Variants in PALMD observed in about 807,000 individuals in gnomAD.
PALMD encodes palmdelphin, also known as paralemmin-like protein.
PALMD carries 42 observed loss-of-function variants against 56.2 expected under a neutral mutation model. The observed-to-expected ratio is 0.75, with a 90% CI of 0.58 to 0.97. PALMD has a LOEUF of 0.97. PALMD is among the 50% of genes least tolerant of loss of function. The pLI is 0.00. For synonymous variants in PALMD, 242 were observed against 222.9 expected, an observed-to-expected ratio of 1.09 and a Z score of -0.76; for missense variants, 660 against 643.8, an observed-to-expected ratio of 1.03 and a Z score of -0.27.
chr1:99,664,038 C>G (rs972065210), intron 2 of PALMD, among the ~76,000 whole-genome samples: 6 of 152,056 alleles, frequency 3.9e-5, no homozygotes, highest in Non-Finnish European at 7.4e-5. Flanking sequence ...AAATCTTGTC[C>G]ACATTCCTTT....
intron 1 of PALMD, among the ~76,000 whole-genome samples, chr1:99,655,933 C>T (rs373050305): frequency 0.015 from 1,654 of 106,994 alleles, 52 homozygotes; most frequent in African/African-American, 0.051. Flanking sequence ...ATAACACACA[C>T]GCACACACAC....
intron 2 of PALMD, among the ~76,000 whole-genome samples, chr1:99,663,918 A>G (rs1280464977): frequency 6.6e-6 from 1 of 152,196 alleles, no homozygotes; most frequent in Non-Finnish European, 1.5e-5. Context: ...TCCAGAACAC[A>G]GGAGACCTCT....
intron 7 of PALMD, among the ~76,000 whole-genome samples, chr1:99,690,346 G>A (rs1653626322): frequency 6.6e-6 from 1 of 151,996 alleles, no homozygotes; most frequent in African/African-American, 2.4e-5. Context: ...GCTGTATCTT[G>A]TTTCTCTATA....
chr1:99,673,222 T>C (rs1446080699), intron 3 of PALMD, among the ~76,000 whole-genome samples: 1 of 152,174 alleles, frequency 6.6e-6, no homozygotes. Flanking sequence ...ATATAAAAGT[T>C]AAATTTTTTT....
rs1653378354 is a variant in PALMD at position 99,682,992 on chromosome 1, C to A, written c.252-3684C>A. 2.1e-5 allele frequency among the ~76,000 whole-genome samples: 3 copies of A among 142,700 alleles called. No homozygotes were observed. The South Asian group carries it at 7.1e-4, about 34-fold the overall frequency. The allele number at this position is 142,700 out of a possible 152,430, so 93.6% of individuals were successfully genotyped here. On this transcript the variant is annotated intron_variant, in intron 3 of 7. Transcript: ENST00000263174. The stretch of plus-strand genomic sequence containing the variant: ...CTACACTTCAGCCTGGGTGACAGAG[C>A]AAGACTCTGTCTCCAAAAAGAAAGA...
chr1:99,681,015 G>T (rs1477052757), intron 3 of PALMD, among the ~76,000 whole-genome samples: 5 of 151,814 alleles, frequency 3.3e-5, no homozygotes, highest in Admixed American at 6.6e-5. Context: ...TGAAATGAAA[G>T]CTACCTGCTT....
At chr1:99,692,486 C>T (rs1265066672) in intron 7 of PALMD, among the ~76,000 whole-genome samples, 1 of 152,032 alleles carries the variant, frequency 6.6e-6, no homozygotes, top group East Asian at 1.9e-4. Flanking sequence ...TAAACCAAGC[C>T]TTCTATTGCC....
chr1:99,653,717 A>G (rs1652648872), intron 1 of PALMD, among the ~76,000 whole-genome samples: 1 of 152,044 alleles, frequency 6.6e-6, no homozygotes, highest in Non-Finnish European at 1.5e-5. Context: ...GAGCACTTCA[A>G]TATCACATGG....
In PALMD at chr1:99,689,269, G is replaced by A. The variant is rs761016233; in HGVS notation, c.1009G>A (p.Glu337Lys). Residue 337 changes from glutamate to lysine, a missense_variant, in exon 7 of 8, where the codon GAA becomes AAA. Transcript: ENST00000263174. ...PHPRSVIQQA[E>K]EKLHTPQKRL... ...TCCCCGATCAGTGATTCAACAAGCAGAAGAGAAGCTTCACACCCCGCAAAA... is the reference window on the plus strand; with the variant it reads ...TCCCCGATCAGTGATTCAACAAGCAAAAGAGAAGCTTCACACCCCGCAAAA... 4 of 1,613,542 alleles carry A rather than the reference G, an allele frequency of 2.5e-6. No individual in the cohort carries two copies. The highest frequency in any genetic ancestry group is 1.1e-5 in the South Asian group (1 of 91,054).
intron 1 of PALMD, among the ~76,000 whole-genome samples, chr1:99,654,344 AGCTATT>A (rs1432998617): frequency 0.01 from 1,596 of 152,258 alleles, 31 homozygotes; most frequent in African/African-American, 0.037. Context: ...TTAAATTTAT[AGCTATT>A]ATGTTAAAAT....
At chr1:99,693,868 C>G in intron 7 of PALMD, 151 bp from the exon 8 acceptor site, 1 of 619,086 alleles carries the variant, frequency 1.6e-6, no homozygotes, top group Non-Finnish European at 2.9e-6. Flanking sequence ...ATTATTTCTA[C>G]TATCTTTTTG....
intron 3 of PALMD, among the ~76,000 whole-genome samples, chr1:99,682,092 T>C (rs1220985476): frequency 6.6e-6 from 1 of 152,190 alleles, no homozygotes; most frequent in East Asian, 1.9e-4. Context: ...TCTCTCATCA[T>C]TTCCATTAGC....
At chr1:99,690,963 A>T (rs759950283) in intron 7 of PALMD, among the ~76,000 whole-genome samples, 16 of 152,190 alleles carry the variant, frequency 1.1e-4, no homozygotes, top group Non-Finnish European at 1.3e-4. Flanking sequence ...CTAATAATAC[A>T]GTAAAATGAA....
chr1:99,677,826 A>G (rs746342286), intron 3 of PALMD, among the ~76,000 whole-genome samples: 2 of 152,186 alleles, frequency 1.3e-5, no homozygotes, highest in Non-Finnish European at 2.9e-5. Flanking sequence ...AGGTTGTCAA[A>G]AAAGACTAGG....
At chr1:99,650,874 G>A (rs1377000864) in intron 1 of PALMD, among the ~76,000 whole-genome samples, 2 of 152,156 alleles carry the variant, frequency 1.3e-5, no homozygotes, top group African/African-American at 4.8e-5. Flanking sequence ...AAAAACAAGT[G>A]TAAACTAGTC....
chr1:99,679,725 A>T (rs949820106), intron 3 of PALMD, among the ~76,000 whole-genome samples: 5 of 152,190 alleles, frequency 3.3e-5, no homozygotes, highest in Non-Finnish European at 7.3e-5. Flanking sequence ...AATTTTTTTA[A>T]GTTTTCTTTC....
At chr1:99,686,822 C>T (rs1198864452) in intron 4 of PALMD, 32 bp downstream of exon 4, 2 of 1,383,962 alleles carry the variant, frequency 1.4e-6, no homozygotes, top group East Asian at 4.6e-5. Context: ...AACTGTAATT[C>T]TCTCTCAAAA....
intron 3 of PALMD, among the ~76,000 whole-genome samples, chr1:99,683,076 GAGAGAGAGAGAGAGAAAGAAAGAA>G (rs1653395688): frequency 1.2e-4 from 2 of 17,092 alleles, no homozygotes; most frequent in East Asian, 1.7e-3. Context: ...GAGAGAGAGA[GAGAGAGAGAGAGAGAAAGAAAGAA>G]AGAAAGAAAG....
chr1:99,651,207 G>A (rs561146377), intron 1 of PALMD, among the ~76,000 whole-genome samples: 16 of 152,302 alleles, frequency 1.1e-4, no homozygotes, highest in African/African-American at 3.6e-4. Flanking sequence ...AGAGGGAAAG[G>A]TTTCTTCAAA....
Sources: allele counts gnomAD v4.1 joint callset (sites outside exome capture counted in the v4.1 genomes callset), GRCh38; gene constraint gnomAD v4.1.1; transcripts MANE v1.5; gene names NCBI Gene and HGNC (gene_info 2026-07-23, HGNC 2026-07-21).